CNTNAP2: variants seen among roughly 807,000 people sequenced by gnomAD.
The protein encoded by CNTNAP2 is contactin associated protein 2.
CNTNAP2 carries 98 observed loss-of-function variants against 155.2 expected under a neutral mutation model. The ratio of observed to expected loss-of-function variants is 0.63; its 90% CI spans 0.54 to 0.75. The LOEUF (loss-of-function observed/expected upper bound fraction) is 0.75, where lower values mean the gene tolerates loss of function less well. Ranked by LOEUF, CNTNAP2 falls within the 30% of genes least tolerant of loss-of-function variation. The probability of loss-of-function intolerance (pLI) is 0.00; values close to 1 mark genes in which losing one functional copy is unlikely to be tolerated. For synonymous variants in CNTNAP2, 651 were observed against 631.2 expected, an observed-to-expected ratio of 1.03 and a Z score of -0.47; for missense variants, 1,727 against 1,688.1, an observed-to-expected ratio of 1.02 and a Z score of -0.40.
intron 1 of CNTNAP2, among the ~76,000 whole-genome samples, chr7:146,657,034 T>C (rs558039825): frequency 2.0e-5 from 3 of 152,320 alleles, no homozygotes; most frequent in Non-Finnish European, 4.4e-5. Context: ...AAGCTACTAA[T>C]GAAGACATGC....
chr7:147,823,601 C>T (rs958514913), intron 13 of CNTNAP2, among the ~76,000 whole-genome samples: 2 of 151,962 alleles, frequency 1.3e-5, no homozygotes, highest in African/African-American at 4.8e-5. Context: ...TGAAGTTATA[C>T]ATGTTATTGT....
At chr7:146,242,769 A>G (rs1215597833) in intron 1 of CNTNAP2, among the ~76,000 whole-genome samples, 3 of 152,186 alleles carry the variant, frequency 2.0e-5, no homozygotes, top group Non-Finnish European at 2.9e-5. Flanking sequence ...TTCATAAAAA[A>G]TTAATTCATC....
chr7:146,566,674 G>A (rs2129145212), intron 1 of CNTNAP2, among the ~76,000 whole-genome samples: 1 of 151,986 alleles, frequency 6.6e-6, no homozygotes, highest in Admixed American at 6.6e-5. Context: ...TCCAGCCTGG[G>A]CGACAGAGCA....
intron 8 of CNTNAP2, among the ~76,000 whole-genome samples, chr7:147,166,024 A>T (rs1802106694): frequency 6.6e-6 from 1 of 152,164 alleles, no homozygotes; most frequent in African/African-American, 2.4e-5. Context: ...CAGTCCTACT[A>T]CTGGGTATCT....
chr7:147,427,897 A>T (rs1168003775), intron 10 of CNTNAP2, among the ~76,000 whole-genome samples: 1 of 152,156 alleles, frequency 6.6e-6, no homozygotes, highest in Admixed American at 6.6e-5. Flanking sequence ...TTTATATGCA[A>T]ACCTAAATAT....
intron 10 of CNTNAP2, among the ~76,000 whole-genome samples, chr7:147,476,327 A>C (rs1269283465): frequency 6.6e-6 from 1 of 151,648 alleles, no homozygotes; most frequent in Non-Finnish European, 1.5e-5. Context: ...GGATGGTCTC[A>C]ATCTGCTGAC....
At chr7:147,538,376 G>T (rs1799583993) in intron 11 of CNTNAP2, among the ~76,000 whole-genome samples, 1 of 152,190 alleles carries the variant, frequency 6.6e-6, no homozygotes, top group Non-Finnish European at 1.5e-5. Flanking sequence ...ATTAGGCCAA[G>T]TGCAGTGACT....
chr7:148,074,323 G>T (rs1027893032), intron 15 of CNTNAP2, among the ~76,000 whole-genome samples: 23 of 152,128 alleles, frequency 1.5e-4, no homozygotes, highest in African/African-American at 5.6e-4. Flanking sequence ...AATATTCGAT[G>T]AAAGGACTTT....
intron 1 of CNTNAP2, among the ~76,000 whole-genome samples, chr7:146,174,218 G>GA (rs979648992): frequency 1.3e-5 from 2 of 148,674 alleles, no homozygotes; most frequent in Non-Finnish European, 3.0e-5. Flanking sequence ...AAAAAGGAAA[G>GA]AAAAAAAAGA....
At chr7:146,948,761 C>T (rs1797245364) in intron 3 of CNTNAP2, among the ~76,000 whole-genome samples, 1 of 152,188 alleles carries the variant, frequency 6.6e-6, no homozygotes, top group Non-Finnish European at 1.5e-5. Flanking sequence ...TGCAAGCATT[C>T]TCCACAAATT....
intron 13 of CNTNAP2, among the ~76,000 whole-genome samples, chr7:147,822,722 C>T (rs1798380699): frequency 6.6e-6 from 1 of 152,048 alleles, no homozygotes; most frequent in Non-Finnish European, 1.5e-5. Context: ...AATAGGATGC[C>T]AAGTGGATGT....
chr7:146,559,625 T>C (rs1425361562), intron 1 of CNTNAP2, among the ~76,000 whole-genome samples: 2 of 152,116 alleles, frequency 1.3e-5, no homozygotes, highest in African/African-American at 4.8e-5. Context: ...AATTATTTTA[T>C]TTCCTATGAA....
intron 1 of CNTNAP2, among the ~76,000 whole-genome samples, chr7:146,663,093 T>A (rs1451188135): frequency 6.6e-6 from 1 of 151,808 alleles, no homozygotes; most frequent in African/African-American, 2.4e-5. Context: ...GCCTGGCCAA[T>A]ATGGTGAAAT....
At chr7:147,228,298 T>C (rs531718552) in intron 8 of CNTNAP2, among the ~76,000 whole-genome samples, 5 of 152,318 alleles carry the variant, frequency 3.3e-5, no homozygotes, top group African/African-American at 1.2e-4. Context: ...TGGTTATGAT[T>C]ATTTTTAATG....
chr7:148,019,848 G>A (rs934835311), intron 15 of CNTNAP2, among the ~76,000 whole-genome samples: 6 of 152,004 alleles, frequency 3.9e-5, no homozygotes, highest in East Asian at 1.9e-4. Context: ...GTGTAATGGC[G>A]TGATCTCAGC....
chr7:147,698,883 A>G (rs1796196656), intron 13 of CNTNAP2, among the ~76,000 whole-genome samples: 1 of 152,020 alleles, frequency 6.6e-6, no homozygotes, highest in Non-Finnish European at 1.5e-5. Context: ...ACTAACCAAA[A>G]TAATTAGAAA....
chr7:148,147,459 A>G (rs1237696447), intron 16 of CNTNAP2, 32 bp from the exon 17 acceptor site: 2 of 1,599,052 alleles, frequency 1.3e-6, no homozygotes, highest in African/African-American at 1.3e-5. Context: ...GGAGAAAAAT[A>G]CTCATGTTTT....
chr7:147,400,148 C>T (rs909116318), intron 10 of CNTNAP2, among the ~76,000 whole-genome samples: 13 of 152,108 alleles, frequency 8.5e-5, no homozygotes, highest in South Asian at 6.2e-4. Flanking sequence ...AGAGCCCAAA[C>T]CTTCAGAAAC....
At chr7:147,817,883 C>CA (rs1194380414) in intron 13 of CNTNAP2, among the ~76,000 whole-genome samples, 2 of 128,698 alleles carry the variant, frequency 1.6e-5, no homozygotes, top group Non-Finnish European at 3.1e-5. Flanking sequence ...CCAGCCTGGG[C>CA]AACAGAGCGA....
Sources: allele counts gnomAD v4.1 joint callset (sites outside exome capture counted in the v4.1 genomes callset), GRCh38; gene constraint gnomAD v4.1.1; transcripts MANE v1.5; gene names NCBI Gene and HGNC (gene_info 2026-07-23, HGNC 2026-07-21).